LHFPL3: variants seen among roughly 807,000 people sequenced by gnomAD.
LHFPL3 encodes the protein LHFPL tetraspan subfamily member 3, also known as LHFPL tetraspan subfamily member 3 protein.
A neutral mutation model predicts 19.3 loss-of-function variants in LHFPL3; 5 were observed. The observed-to-expected ratio is 0.26, with a 90% confidence interval of 0.14 to 0.54. LHFPL3 has a LOEUF of 0.54. Ranked by LOEUF, LHFPL3 falls within the 20% of genes least tolerant of loss-of-function variation. The pLI, the probability that LHFPL3 is intolerant of heterozygous loss-of-function variation, is 0.94. For synonymous variants in LHFPL3, 133 were observed against 126.2 expected, an observed-to-expected ratio of 1.05 and a Z score of -0.36; for missense variants, 249 against 307.4, an observed-to-expected ratio of 0.81 and a Z score of 1.42.
At chr7:104,550,440 G>A (rs1006486593) in intron 1 of LHFPL3, among the ~76,000 whole-genome samples, 1 of 152,110 alleles carries the variant, frequency 6.6e-6, no homozygotes, top group African/African-American at 2.4e-5. Context: ...GAGACCACAG[G>A]CAATGTGGGA....
chr7:104,349,936 C>T (rs541324533), intron 1 of LHFPL3, among the ~76,000 whole-genome samples: 1 of 152,256 alleles, frequency 6.6e-6, no homozygotes, highest in Admixed American at 6.5e-5. Context: ...AAGCTAGTTC[C>T]TTTTGCCCAC....
At chr7:104,596,613 A>G (rs967615568) in intron 1 of LHFPL3, among the ~76,000 whole-genome samples, 3 of 152,262 alleles carry the variant, frequency 2.0e-5, no homozygotes, top group African/African-American at 7.2e-5. Flanking sequence ...TTAAAAGCAC[A>G]TGAATAACAA....
chr7:104,558,367 C>T (rs1037562536), intron 1 of LHFPL3, among the ~76,000 whole-genome samples: 5 of 147,690 alleles, frequency 3.4e-5, no homozygotes, highest in East Asian at 2.0e-4. Flanking sequence ...TAATGATTGC[C>T]ATTCTAACTG....
At chr7:104,669,398 G>A in intron 1 of LHFPL3, 3 of 1,613,740 alleles carry the variant, frequency 1.9e-6, no homozygotes, top group African/African-American at 1.3e-5. Flanking sequence ...TGAGGGAACA[G>A]AGACCACTGG....
chr7:104,477,717 A>G (rs1364532497), intron 1 of LHFPL3, among the ~76,000 whole-genome samples: 1 of 151,096 alleles, frequency 6.6e-6, no homozygotes, highest in African/African-American at 2.4e-5. Context: ...TTACCTATGT[A>G]ATGAACCTGC....
At chr7:104,585,230 C>T (rs982344935) in intron 1 of LHFPL3, among the ~76,000 whole-genome samples, 3 of 152,052 alleles carry the variant, frequency 2.0e-5, no homozygotes, top group African/African-American at 7.2e-5. Flanking sequence ...ACCACAAGGA[C>T]CATTTTGCCT....
intron 1 of LHFPL3, among the ~76,000 whole-genome samples, chr7:104,440,277 G>T (rs1792197867): frequency 6.6e-6 from 1 of 151,980 alleles, no homozygotes; most frequent in Admixed American, 6.6e-5. Context: ...CATGGATGAA[G>T]CTGGAAACCA....
At position 104,366,426 on chromosome 7, in the gene LHFPL3, G is replaced by A. The variant is rs539675094; in HGVS notation, c.445+37202G>A. Among the ~76,000 whole-genome samples, 4 of 152,296 alleles carry A rather than the reference G, an allele frequency of 2.6e-5. No individual in the cohort carries two copies. The East Asian group carries it at 5.8e-4, about 22-fold the overall frequency. On this transcript the variant is annotated intron_variant, in intron 1 of 2. Coordinates refer to ENST00000424859, the MANE Select transcript of LHFPL3 (RefSeq NM_199000.3). The stretch of plus-strand genomic sequence containing the variant: ...AGTGGATGCTTAATAAATCCCTGCT[G>A]AAATAAATTAAGCTGAATATTATCC...
chr7:104,563,041 T>A (rs1475519081), intron 1 of LHFPL3, among the ~76,000 whole-genome samples: 1 of 152,198 alleles, frequency 6.6e-6, no homozygotes, highest in African/African-American at 2.4e-5. Flanking sequence ...CTGCCCATTC[T>A]CAGATCTCCA....
intron 1 of LHFPL3, among the ~76,000 whole-genome samples, chr7:104,402,737 T>A (rs540182841): frequency 6.6e-6 from 1 of 152,330 alleles, no homozygotes; most frequent in African/African-American, 2.4e-5. Flanking sequence ...ATTATACTAT[T>A]TTTTTGCTTC....
intron 1 of LHFPL3, among the ~76,000 whole-genome samples, chr7:104,477,841 A>G (rs1793054269): frequency 6.6e-6 from 1 of 152,192 alleles, no homozygotes. Flanking sequence ...TCACTGAGGA[A>G]GTAGCACTTC....
chr7:104,389,299 C>T (rs1315396129), intron 1 of LHFPL3, among the ~76,000 whole-genome samples: 1 of 151,988 alleles, frequency 6.6e-6, no homozygotes, highest in Non-Finnish European at 1.5e-5. Context: ...ATAAAATATT[C>T]AGAAATACAT....
chr7:104,520,796 C>G (rs1794041898), intron 1 of LHFPL3, among the ~76,000 whole-genome samples: 1 of 140,272 alleles, frequency 7.1e-6, no homozygotes, highest in African/African-American at 2.7e-5. Context: ...TGGTGATATC[C>G]CCTTTATCAT....
chr7:104,653,382 A>G (rs1274323894), intron 1 of LHFPL3, among the ~76,000 whole-genome samples: 1 of 152,234 alleles, frequency 6.6e-6, no homozygotes, highest in Non-Finnish European at 1.5e-5. Context: ...TAATAAGTGC[A>G]AGTGATTAGG....
chr7:104,540,032 G>T (rs1292212645), intron 1 of LHFPL3, among the ~76,000 whole-genome samples: 1 of 152,140 alleles, frequency 6.6e-6, no homozygotes, highest in Non-Finnish European at 1.5e-5. Flanking sequence ...CCGCTGGAGA[G>T]TGAATGGGGA....
intron 1 of LHFPL3, among the ~76,000 whole-genome samples, chr7:104,628,549 T>A (rs1791585952): frequency 6.6e-6 from 1 of 152,014 alleles, no homozygotes; most frequent in African/African-American, 2.4e-5. Flanking sequence ...AGATAATATT[T>A]AGTTTGAGTC....
Position 104,328,755 on chromosome 7 carries a change from G to A in LHFPL3, c.-25G>A, listed in dbSNP as rs1008027579. 7.0e-7 allele frequency: 1 copy of A among 1,420,746 alleles called. No individual in the cohort carries two copies. Among genetic ancestry groups the A allele is most frequent in the South Asian group, 1.3e-5 (1 of 77,426 alleles). The allele number at this position is 1,420,746 out of a possible 1,614,324, so 88.0% of individuals were successfully genotyped here. ...GGGGGAGGCGGAGGACCAGGAGGAG[G>A]AGGAGGAGGAGGAGGAGGGGGAGAA... On this transcript the variant is annotated 5_prime_UTR_variant, in exon 1 of 3. Transcript: ENST00000424859. This position sits in a 1 kb window ranked among gnomAD's most constrained non-coding sequence, Gnocchi z 4.6.
At chr7:104,419,748 G>A (rs1024532381) in intron 1 of LHFPL3, among the ~76,000 whole-genome samples, 3 of 152,158 alleles carry the variant, frequency 2.0e-5, no homozygotes, top group Non-Finnish European at 4.4e-5. Context: ...TTGGACGTAT[G>A]GTTTAGGTGA....
chr7:104,583,942 G>A (rs1300954218), intron 1 of LHFPL3, among the ~76,000 whole-genome samples: 1 of 151,852 alleles, frequency 6.6e-6, no homozygotes, highest in Non-Finnish European at 1.5e-5. Context: ...ATTTGACCCA[G>A]CCATCCCATT....
Sources: gnomAD v4.1 joint callset for allele counts (sites outside exome capture counted in the v4.1 genomes callset) on GRCh38, gnomAD v4.1.1 for gene constraint, Gnocchi (gnomAD v3.1) non-coding constraint, MANE v1.5 for transcripts, NCBI Gene and HGNC (gene_info 2026-07-23, HGNC 2026-07-21) for gene names.